CPNE4: variants seen among roughly 807,000 people sequenced by gnomAD.
CPNE4 encodes the protein copine-4.
CPNE4 carries 25 observed loss-of-function variants against 67.9 expected under a neutral mutation model. The ratio of observed to expected loss-of-function variants is 0.37; its 90% CI spans 0.27 to 0.51. The LOEUF is 0.51. Ranked by LOEUF, CPNE4 falls within the 20% of genes least tolerant of loss-of-function variation. The pLI, the probability that CPNE4 is intolerant of heterozygous loss-of-function variation, is 0.93. For missense variants in CPNE4, 464 were observed against 690.8 expected (o/e 0.67, Z 3.68); for synonymous variants, 242 against 244.9 (o/e 0.99, Z 0.11).
intron 1 of CPNE4, among the ~76,000 whole-genome samples, chr3:131,943,636 A>G (rs1247863306): frequency 6.6e-6 from 1 of 152,000 alleles, no homozygotes; most frequent in African/African-American, 2.4e-5. Context: ...GGACTCCTCT[A>G]ATGTGCTTCT....
chr3:131,741,951 C>G (rs1457977972), intron 2 of CPNE4, among the ~76,000 whole-genome samples: 1 of 152,158 alleles, frequency 6.6e-6, no homozygotes, highest in Non-Finnish European at 1.5e-5. Flanking sequence ...TCTTTGCCCT[C>G]TATCCCTTCT....
At chr3:131,611,268 T>C (rs1044156771) in intron 7 of CPNE4, among the ~76,000 whole-genome samples, 1 of 152,206 alleles carries the variant, frequency 6.6e-6, no homozygotes, top group Non-Finnish European at 1.5e-5. Flanking sequence ...GTGTCATCAA[T>C]TTAATAGCTG....
At position 131,990,617 on chromosome 3, in the gene CPNE4, C is replaced by T. The variant is rs145494996; in HGVS notation, c.-2+43950G>A. On this transcript the variant is annotated intron_variant, in intron 1 of 15. Coordinates refer to ENST00000429747, the MANE Select transcript of CPNE4 (RefSeq NM_130808.3). ...AATATGAAAAGACTTGGATTATTTT[C>T]ATTTTCTTGATCTTTTACAATAAAA... Among the ~76,000 whole-genome samples, 108 of 136,136 alleles carry T rather than the reference C, an allele frequency of 7.9e-4. 6 individuals are homozygous for T. The highest frequency in any genetic ancestry group is 2.5e-3 in the African/African-American group (103 of 40,758). The allele number at this position is 136,136 out of a possible 152,430, so 89.3% of individuals were successfully genotyped here.
intron 2 of CPNE4, among the ~76,000 whole-genome samples, chr3:131,738,010 G>A (rs188334375): frequency 5.3e-5 from 8 of 152,276 alleles, no homozygotes; most frequent in Non-Finnish European, 1.0e-4. Context: ...CTGGGCCCTA[G>A]GGATTCAGCA....
intron 2 of CPNE4, among the ~76,000 whole-genome samples, chr3:131,793,975 C>T (rs1288235507): frequency 6.6e-6 from 1 of 152,204 alleles, no homozygotes; most frequent in East Asian, 1.9e-4. Flanking sequence ...ACAGAATTAT[C>T]AAGTTAGCTT....
rs1321253796 is a variant in CPNE4 at position 131,717,886 on chromosome 3, C to CTTTCTTTCT, written c.360+5551_360+5559dup. Among the ~76,000 whole-genome samples the CTTTCTTTCT allele has an allele frequency of 3.2e-4, 28 of 86,416 alleles. 1 individual carries two copies. Among genetic ancestry groups the CTTTCTTTCT allele is most frequent in the African/African-American group, 1.1e-3 (27 of 24,332 alleles). 56.7% of individuals were successfully genotyped at this position (86,416 alleles called of 152,430 possible). On this transcript the variant is annotated intron_variant, in intron 3 of 15. Coordinates refer to ENST00000429747, the MANE Select transcript of CPNE4 (RefSeq NM_130808.3). ...CTTTCTTTCTTTCTTTTCTTTCTTT[C>CTTTCTTTCT]TTTCTTTCTTTCTTTCTTTCTTTCT...
At chr3:131,986,052 T>G (rs1302273787) in intron 1 of CPNE4, 1 of 153,440 alleles carries the variant, frequency 6.5e-6, no homozygotes, top group Non-Finnish European at 1.5e-5. Context: ...AAAACATTAT[T>G]TAAACATATT....
intron 1 of CPNE4, among the ~76,000 whole-genome samples, chr3:131,972,216 C>T (rs2072521990): frequency 6.6e-6 from 1 of 152,144 alleles, no homozygotes; most frequent in African/African-American, 2.4e-5. Context: ...AATGAAAATA[C>T]TAAGGGTTAC....
At chr3:132,015,691 G>A (rs2073876321) in intron 1 of CPNE4, among the ~76,000 whole-genome samples, 1 of 152,204 alleles carries the variant, frequency 6.6e-6, no homozygotes, top group Admixed American at 6.5e-5. Context: ...GCCACAAGCA[G>A]AGGGACCTCA....
At chr3:131,624,403 A>G (rs932233243) in intron 7 of CPNE4, among the ~76,000 whole-genome samples, 1 of 152,150 alleles carries the variant, frequency 6.6e-6, no homozygotes, top group African/African-American at 2.4e-5. Context: ...TACCTTGGGG[A>G]GAAGTAACTT....
intron 1 of CPNE4, among the ~76,000 whole-genome samples, chr3:131,978,182 T>A (rs1226480225): frequency 4.8e-5 from 3 of 62,838 alleles, no homozygotes; most frequent in African/African-American, 2.8e-4. Flanking sequence ...TGTAAATATA[T>A]ATAATATATT....
At chr3:131,881,353 C>T (rs1476568489) in intron 2 of CPNE4, among the ~76,000 whole-genome samples, 1 of 152,156 alleles carries the variant, frequency 6.6e-6, no homozygotes, top group Non-Finnish European at 1.5e-5. Context: ...AACTTCTAAT[C>T]CAGAATAAAG....
intron 2 of CPNE4, among the ~76,000 whole-genome samples, chr3:131,864,128 G>A (rs1293975309): frequency 6.6e-6 from 1 of 151,688 alleles, no homozygotes; most frequent in Non-Finnish European, 1.5e-5. Flanking sequence ...ATAGTTTGAA[G>A]TCAGGTAGCG....
At chr3:131,641,199 G>A (rs2079531579) in intron 7 of CPNE4, among the ~76,000 whole-genome samples, 1 of 152,044 alleles carries the variant, frequency 6.6e-6, no homozygotes, top group Non-Finnish European at 1.5e-5. Context: ...CTTCTGCACA[G>A]TAAAAGAAAT....
intron 7 of CPNE4, among the ~76,000 whole-genome samples, chr3:131,643,070 A>G (rs2079576752): frequency 6.7e-6 from 1 of 148,632 alleles, no homozygotes; most frequent in Admixed American, 7.0e-5. Context: ...AGACTTGTTG[A>G]ATGGCTTTGA....
At chr3:131,760,196 G>A (rs1001714341) in intron 2 of CPNE4, among the ~76,000 whole-genome samples, 1 of 152,304 alleles carries the variant, frequency 6.6e-6, no homozygotes, top group Middle Eastern at 3.4e-3. Context: ...ATGCAGTGCT[G>A]TAAGGACTGC....
chr3:131,633,442 T>C (rs6780136), intron 7 of CPNE4, among the ~76,000 whole-genome samples: 41,803 of 152,106 alleles, frequency 0.27, 9,496 homozygotes, highest in African/African-American at 0.63. Context: ...AGAGCCGGTC[T>C]CAAAAGTCAA....
chr3:131,882,931 A>G (rs1185363744), intron 2 of CPNE4, among the ~76,000 whole-genome samples: 3 of 151,922 alleles, frequency 2.0e-5, no homozygotes, highest in Admixed American at 2.0e-4. Context: ...GTTAGCCAGG[A>G]TGGTCTCGAT....
chr3:131,699,616 A>G (rs771071119), intron 4 of CPNE4, among the ~76,000 whole-genome samples: 34 of 152,254 alleles, frequency 2.2e-4, no homozygotes, highest in Non-Finnish European at 4.4e-4. Context: ...CAACAACTAC[A>G]TCTTTCTCCT....
Sources: allele counts gnomAD v4.1 joint callset (sites outside exome capture counted in the v4.1 genomes callset), GRCh38; gene constraint gnomAD v4.1.1; transcripts MANE v1.5; gene names NCBI Gene and HGNC (gene_info 2026-07-23, HGNC 2026-07-21).